The following AMD1 variants were observed in gnomAD, a reference collection of about 807,000 sequenced individuals.
AMD1 encodes S-adenosylmethionine decarboxylase proenzyme.
AMD1 carries 11 observed loss-of-function variants against 40.2 expected under a neutral mutation model. The ratio of observed to expected loss-of-function variants is 0.27; its 90% confidence interval spans 0.17 to 0.45. The LOEUF is 0.45. Among genes scored for constraint, AMD1 ranks in the 20% least tolerant of loss-of-function variants. AMD1 has a pLI of 1.00. For missense variants in AMD1, 257 were observed against 410.2 expected, an observed-to-expected ratio of 0.63 and a Z score of 3.23; for synonymous variants, 121 against 130.8, an observed-to-expected ratio of 0.93 and a Z score of 0.51.
At chr6:110,849,751 G>A in the AMD1 span, among the ~76,000 whole-genome samples, 1 of 152,240 alleles carries the variant, frequency 6.6e-6, no homozygotes, top group South Asian at 2.1e-4. Flanking sequence ...CAAACATAGT[G>A]GCTAACGCCT....
the AMD1 span, chr6:110,858,969 C>A: frequency 9.0e-7 from 1 of 1,117,226 alleles, no homozygotes; most frequent in South Asian, 1.2e-5. Flanking sequence ...CATGTCGCTG[C>A]AGATGGGCTA....
chr6:110,834,929 C>A, the AMD1 span, among the ~76,000 whole-genome samples: 4 of 136,190 alleles, frequency 2.9e-5, no homozygotes, highest in South Asian at 2.5e-4. Flanking sequence ...AGCCTGGTGA[C>A]AGAGAGAGAC....
At chr6:110,835,446 G>A in the AMD1 span, among the ~76,000 whole-genome samples, 1 of 152,158 alleles carries the variant, frequency 6.6e-6, no homozygotes, top group Admixed American at 6.5e-5. Context: ...AAATCCGTTG[G>A]TCTATCCTAC....
the AMD1 span, among the ~76,000 whole-genome samples, chr6:110,865,435 C>A: frequency 6.6e-6 from 1 of 152,158 alleles, no homozygotes; most frequent in African/African-American, 2.4e-5. Flanking sequence ...ACTCTGTCAC[C>A]CAGTCTGAAG....
At chr6:110,823,419 A>G in the AMD1 span, among the ~76,000 whole-genome samples, 1 of 152,218 alleles carries the variant, frequency 6.6e-6, no homozygotes, top group East Asian at 1.9e-4. Context: ...CCGAATTGGA[A>G]AAGAGAAAGT....
intron 4 of AMD1, 21 bp downstream of exon 4, chr6:110,890,377 A>C: frequency 6.6e-7 from 1 of 1,511,378 alleles, no homozygotes. Context: ...ATAAAATATA[A>C]ACCTGTTGTC....
At chr6:110,842,590 A>G in the AMD1 span, among the ~76,000 whole-genome samples, 1 of 152,284 alleles carries the variant, frequency 6.6e-6, no homozygotes, top group Middle Eastern at 3.4e-3. Context: ...CAGTAATAGT[A>G]GTAGTAGTCG....
intron 1 of AMD1, among the ~76,000 whole-genome samples, chr6:110,886,352 C>G (rs1405810119): frequency 6.6e-6 from 1 of 152,060 alleles, no homozygotes; most frequent in African/African-American, 2.4e-5. Context: ...AGCCTGGTCT[C>G]AAACTCCTGA....
At chr6:110,814,625 C>T in the AMD1 span, 10 of 475,118 alleles carry the variant, frequency 2.1e-5, 1 homozygote, top group South Asian at 4.6e-5. Context: ...CCGTCACTAC[C>T]CAGGGCCGGA....
rs1246876461 is a variant in AMD1, at chr6:110,874,808, A to G, written c.-298A>G. ...TCGCTTACACAGTATGGCCGGCGACATTAGCTAGCGCTCGCTCTACTCTCT... is the reference window on the plus strand; with the variant it reads ...TCGCTTACACAGTATGGCCGGCGACGTTAGCTAGCGCTCGCTCTACTCTCT... On this transcript the variant is annotated 5_prime_UTR_variant, in exon 1 of 9. Transcript: ENST00000368885. The G allele has an allele frequency of 1.3e-5, 4 of 303,448 alleles. No individual in the cohort carries two copies. The highest frequency in any genetic ancestry group is 4.4e-5 in the South Asian group (1 of 22,764). 18.8% of individuals were successfully genotyped at this position (303,448 alleles called of 1,614,324 possible).
chr6:110,856,385 G>C, the AMD1 span: 1 of 152,288 alleles, frequency 6.6e-6, no homozygotes, highest in Non-Finnish European at 1.5e-5. Flanking sequence ...GAAGTCTCTG[G>C]GTTCAAATTA....
chr6:110,819,230 G>T, the AMD1 span, among the ~76,000 whole-genome samples: 1 of 152,118 alleles, frequency 6.6e-6, no homozygotes, highest in Non-Finnish European at 1.5e-5. Context: ...GGTGGCGCAT[G>T]CCTGTAATCC....
Position 110,892,328 on chromosome 6 carries a change from G to C in AMD1, c.500G>C (p.Ser167Thr), listed in dbSNP as rs763093835. 1.9e-6 allele frequency: 3 copies of C among 1,613,678 alleles called. No homozygotes were observed. The South Asian group carries it at 3.3e-5, about 18-fold the overall frequency. Residue 167 changes from serine (S) to threonine (T), a missense_variant, in exon 6 of 9, where the codon AGT (serine) becomes ACT (threonine). Physicochemically the swap from Ser to Thr is moderately conservative, Grantham distance 58. Around this residue, in one of 3 missense-constraint regions of AMD1, gnomAD observed 192 missense variants for 296.5 expected, o/e 0.65. Transcript: ENST00000368885. ...TTATATACTCTGGATTTCCCAGAGA[G>C]TCGGGTAATCAGTCAGCCAGATCAA... ...WYLYTLDFPE[S>T]RVISQPDQTL...
chr6:110,858,389 C>A, the AMD1 span: 1 of 844,590 alleles, frequency 1.2e-6, no homozygotes, highest in Non-Finnish European at 2.1e-6. Flanking sequence ...CCCCGACTTC[C>A]AGAAGGGCCT....
intron 1 of AMD1, chr6:110,875,721 G>C (rs1010613218): frequency 2.6e-5 from 4 of 152,694 alleles, no homozygotes; most frequent in Admixed American, 2.6e-4. Flanking sequence ...GGCGCGGATA[G>C]GAGGGGCCCT....
At chr6:110,847,974 A>G in the AMD1 span, among the ~76,000 whole-genome samples, 2 of 151,504 alleles carry the variant, frequency 1.3e-5, no homozygotes, top group African/African-American at 4.8e-5. Flanking sequence ...TCAGCCTCCC[A>G]AAGTGCTGGG....
At chr6:110,839,166 C>A in the AMD1 span, among the ~76,000 whole-genome samples, 9 of 152,224 alleles carry the variant, frequency 5.9e-5, no homozygotes, top group African/African-American at 2.2e-4. Flanking sequence ...CTTTTCTATT[C>A]ATGTGCAAAT....
the AMD1 span, among the ~76,000 whole-genome samples, chr6:110,816,412 A>G: frequency 6.6e-6 from 1 of 152,206 alleles, no homozygotes; most frequent in East Asian, 1.9e-4. Flanking sequence ...ACTACCCCAA[A>G]TTATAACTGA....
Position 110,894,363 on chromosome 6 carries a change from G to T in AMD1, c.*747G>T, listed in dbSNP as rs1367438589. The T allele has an allele frequency of 1.3e-5, 2 of 152,648 alleles. No homozygotes were observed. The highest frequency in any genetic ancestry group is 4.8e-5 in the African/African-American group (2 of 41,444). The allele number at this position is 152,648 out of a possible 1,614,324, so 9.5% of individuals were successfully genotyped here. On this transcript the variant is annotated 3_prime_UTR_variant, in exon 9 of 9. Transcript: ENST00000368885. ...TCTATACCCCAGATGGGGAATGGGG[G>T]AGATGGTCCCTGGGCTTAATATTCT...
Sources: gnomAD v4.1 joint callset for allele counts (sites outside exome capture counted in the v4.1 genomes callset) on GRCh38, gnomAD v4.1.1 for gene constraint, gnomAD v4.1.1 regional missense constraint, MANE v1.5 for transcripts, NCBI Gene and HGNC (gene_info 2026-07-23, HGNC 2026-07-21) for gene names.